Variants in GM2A observed in about 807,000 individuals in gnomAD.
GM2A encodes GM2 ganglioside activator.
A neutral mutation model predicts 12.9 loss-of-function variants in GM2A; 7 were observed. That is an observed-to-expected ratio of 0.54 (90% CI 0.31 to 1.02). The LOEUF is 1.02. Ranked by LOEUF, GM2A falls within the 50% of genes least tolerant of loss-of-function variation. The pLI, the probability that GM2A is intolerant of heterozygous loss-of-function variation, is 0.05. For synonymous variants in GM2A, 101 were observed against 96.0 expected, an observed-to-expected ratio of 1.05 and a Z score of -0.30; for missense variants, 246 against 241.0, an observed-to-expected ratio of 1.02 and a Z score of -0.14.
At position 151,259,749 on chromosome 5, in the gene GM2A, C is replaced by A; in HGVS notation, c.82-6C>A. The A allele has an allele frequency of 1.2e-6, 2 of 1,613,152 alleles. No homozygotes were observed. Among genetic ancestry groups the A allele is most frequent in the Non-Finnish European group, 1.7e-6 (2 of 1,179,144 alleles). The stretch of plus-strand genomic sequence containing the variant: ...TTCTCCTTCCTTGCTGCCTGATTGT[C>A]CCCAGCCATCCCAGCTCAGTAGCTT... On this transcript the variant is annotated splice_region_variant and splice_polypyrimidine_tract_variant and intron_variant, in intron 1 of 3. Transcript: ENST00000357164.
At position 151,269,000 on chromosome 5, in the gene GM2A, A is replaced by C; in HGVS notation, c.*1549A>C. ...AGCCTCTCACCTGTGAGCTGTGGGGATCACAAGGCTGCCTGCCTCAGTCTT... is the reference window on the plus strand; with the variant it reads ...AGCCTCTCACCTGTGAGCTGTGGGGCTCACAAGGCTGCCTGCCTCAGTCTT... On this transcript the variant is annotated 3_prime_UTR_variant, in exon 4 of 4. Coordinates refer to ENST00000357164, the MANE Select transcript of GM2A (RefSeq NM_000405.5). 1 of 985,442 alleles carries C rather than the reference A, an allele frequency of 1.0e-6. No individual in the cohort carries two copies. The highest frequency in any genetic ancestry group is 5.2e-4 in the Middle Eastern group (1 of 1,916). 61.0% of individuals were successfully genotyped at this position (985,442 alleles called of 1,614,324 possible).
chr5:151,270,350 G>T lies in GM2A; in HGVS notation c.*2899G>T. ...GTGGCAACAAAATATTGACACATTT[G>T]ACTACATGAAGATAATAAAAATGCT... On this transcript the variant is annotated 3_prime_UTR_variant, in exon 4 of 4. Transcript: ENST00000357164. 2.5e-6 allele frequency: 1 copy of T among 398,806 alleles called. No individual in the cohort carries two copies. The highest frequency in any genetic ancestry group is 1.3e-4 in the South Asian group (1 of 7,850). 24.7% of individuals were successfully genotyped at this position (398,806 alleles called of 1,614,324 possible). A position where few individuals can be genotyped will look rare whatever the true frequency, so the allele number is the denominator to read the frequency against.
rs1753974660 is a variant in GM2A at position 151,269,884 on chromosome 5, T to C, written c.*2433T>C. ...TCCTTTTTCAAACCTATACTGTTGTTGGTGAATTCTTTTTACCAACCCACG... is the reference window on the plus strand; with the variant it reads ...TCCTTTTTCAAACCTATACTGTTGTCGGTGAATTCTTTTTACCAACCCACG... On this transcript the variant is annotated 3_prime_UTR_variant, in exon 4 of 4. Coordinates refer to ENST00000357164, the MANE Select transcript of GM2A (RefSeq NM_000405.5). 2.7e-6 allele frequency: 2 copies of C among 746,992 alleles called. No homozygotes were observed. The highest frequency in any genetic ancestry group is 1.3e-4 in the South Asian group (2 of 15,194). 46.3% of individuals were successfully genotyped at this position (746,992 alleles called of 1,614,324 possible). A position where few individuals can be genotyped will look rare whatever the true frequency, so the allele number is the denominator to read the frequency against.
chr5:151,254,946 G>A lies in GM2A; in HGVS notation c.81+1649G>A, dbSNP rs899917120. Among the ~76,000 whole-genome samples, 13 of 152,134 alleles carry A rather than the reference G, an allele frequency of 8.5e-5. 1 individual carries two copies. The highest frequency in any genetic ancestry group is 1.5e-5 in the Non-Finnish European group (1 of 68,022). On this transcript the variant is annotated intron_variant, in intron 1 of 3. Coordinates refer to ENST00000357164, the MANE Select transcript of GM2A (RefSeq NM_000405.5). ...ACTGTGTGCATTTCAAAACAACTAA[G>A]AGAATACATTTCACATTGCAGTGTA...
chr5:151,262,045 A>G (rs534847971), intron 2 of GM2A, among the ~76,000 whole-genome samples: 1 of 152,354 alleles, frequency 6.6e-6, no homozygotes, highest in Non-Finnish European at 1.5e-5. Flanking sequence ...AACCTGCATC[A>G]TTCCTAGTGA....
intron 2 of GM2A, among the ~76,000 whole-genome samples, chr5:151,263,089 CTTTTTTT>C (rs869289721): frequency 1.7e-5 from 2 of 119,558 alleles, no homozygotes; most frequent in Non-Finnish European, 1.7e-5. Context: ...TCCCCAATTT[CTTTTTTT>C]TTTTTTTTTT....
chr5:151,265,802 C>T (rs1322899105), intron 2 of GM2A, among the ~76,000 whole-genome samples: 1 of 152,188 alleles, frequency 6.6e-6, no homozygotes, highest in African/African-American at 2.4e-5. Flanking sequence ...ACTCCAGGCA[C>T]AAGAGTCTTT....
intron 2 of GM2A, among the ~76,000 whole-genome samples, chr5:151,261,432 GTTTGTTTGTTTA>G (rs1342166323): frequency 6.6e-6 from 1 of 151,822 alleles, no homozygotes; most frequent in Non-Finnish European, 1.5e-5. Flanking sequence ...GTTTTTATTT[GTTTGTTTGTTTA>G]TTTGTTTGTT....
intron 1 of GM2A, among the ~76,000 whole-genome samples, chr5:151,257,213 C>A (rs1269159479): frequency 2.0e-5 from 3 of 152,120 alleles, no homozygotes; most frequent in Non-Finnish European, 4.4e-5. Flanking sequence ...ACCAGCCTGG[C>A]CTTGGTGGGC....
In GM2A at chr5:151,259,997, T is replaced by C. The variant is rs1030500560; in HGVS notation, c.243+81T>C. ...ACTGGGGCATGTATGCTTGGGGAAC[T>C]GTGAAGAATTTCAGAATCCTGGATT... On this transcript the variant is annotated intron_variant, in intron 2 of 3. Transcript: ENST00000357164. The C allele has an allele frequency of 6.7e-6, 7 of 1,047,084 alleles. No homozygotes were observed. The Admixed American group carries it at 7.1e-5, about 11-fold the overall frequency. 64.9% of individuals were successfully genotyped at this position (1,047,084 alleles called of 1,614,324 possible). A position where few individuals can be genotyped will look rare whatever the true frequency, so the allele number is the denominator to read the frequency against.
In GM2A at chr5:151,267,803, C is replaced by G. The variant is rs564679676; in HGVS notation, c.*352C>G. 5.9e-6 allele frequency: 7 copies of G among 1,180,696 alleles called. No homozygotes were observed. The East Asian group carries it at 4.0e-4, about 67-fold the overall frequency. 73.1% of individuals were successfully genotyped at this position (1,180,696 alleles called of 1,614,324 possible). A position where few individuals can be genotyped will look rare whatever the true frequency, so the allele number is the denominator to read the frequency against. On this transcript the variant is annotated 3_prime_UTR_variant, in exon 4 of 4. Transcript: ENST00000357164. The stretch of plus-strand genomic sequence containing the variant: ...GGACCTGAAGAATCTTTATGACTCT[C>G]TCTCTTTCACTCTTTTTTTTTTTTG...
Position 151,268,066 on chromosome 5 carries a change from C to T in GM2A, c.*615C>T. On this transcript the variant is annotated 3_prime_UTR_variant, in exon 4 of 4. Coordinates refer to ENST00000357164, the MANE Select transcript of GM2A (RefSeq NM_000405.5). ...GATATTAGGAGTGCTCTGTTGTTTA[C>T]AAACTCAGGTACCCGCAGGGCCTAG... The T allele has an allele frequency of 2.0e-6, 2 of 998,550 alleles. No individual in the cohort carries two copies. The highest frequency in any genetic ancestry group is 8.7e-5 in the South Asian group (2 of 22,912). The allele number at this position is 998,550 out of a possible 1,614,324, so 61.9% of individuals were successfully genotyped here. A position where few individuals can be genotyped will look rare whatever the true frequency, so the allele number is the denominator to read the frequency against.
Position 151,266,801 on chromosome 5 carries a change from G to C in GM2A, c.314G>C (p.Ser105Thr). 1 of 1,613,702 alleles carries C rather than the reference G, an allele frequency of 6.2e-7. No homozygotes were observed. The highest frequency in any genetic ancestry group is 2.2e-5 in the East Asian group (1 of 44,880). ...ATCCCATGCACAGACTACATTGGCA[G>C]CTGTACCTTTGAACACTTCTGTGAT... The part of the protein sequence containing the change: ...IKIPCTDYIG[S>T]CTFEHFCDVL... Residue 105 changes from serine to threonine, a missense_variant, in exon 3 of 4, where the codon AGC (serine) becomes ACC (threonine). Transcript: ENST00000357164.
chr5:151,258,121 G>A (rs550655686), intron 1 of GM2A, among the ~76,000 whole-genome samples: 3 of 152,322 alleles, frequency 2.0e-5, no homozygotes, highest in African/African-American at 7.2e-5. Flanking sequence ...GCCTTTCTTA[G>A]TCATGACATG....
chr5:151,262,805 C>T (rs1753820216), intron 2 of GM2A, among the ~76,000 whole-genome samples: 2 of 152,198 alleles, frequency 1.3e-5, no homozygotes, highest in African/African-American at 4.8e-5. Flanking sequence ...GTCCGCCATG[C>T]TCCCTCTGCT....
chr5:151,260,974 G>T (rs1582071185), intron 2 of GM2A, among the ~76,000 whole-genome samples: 2 of 140,988 alleles, frequency 1.4e-5, no homozygotes, highest in African/African-American at 5.2e-5. Context: ...CCAAGGATTA[G>T]GTGGCTCTAC....
Position 151,269,369 on chromosome 5 carries a change from A to G in GM2A, c.*1918A>G, listed in dbSNP as rs971785873. ...GGTACAGGTGAGCCGAGGTGATTCC[A>G]GGGACGGACCCTTCTGCAGGAGCTT... On this transcript the variant is annotated 3_prime_UTR_variant, in exon 4 of 4. Coordinates refer to ENST00000357164, the MANE Select transcript of GM2A (RefSeq NM_000405.5). 27 of 985,320 alleles carry G rather than the reference A, an allele frequency of 2.7e-5. No individual in the cohort carries two copies. Among genetic ancestry groups the G allele is most frequent in the Non-Finnish European group, 3.1e-5 (26 of 829,952 alleles). The allele number at this position is 985,320 out of a possible 1,614,324, so 61.0% of individuals were successfully genotyped here. A position where few individuals can be genotyped will look rare whatever the true frequency, so the allele number is the denominator to read the frequency against.
At chr5:151,266,622 A>G (rs933933906) in intron 2 of GM2A, 109 bp from the exon 3 acceptor site, 5 of 815,884 alleles carry the variant, frequency 6.1e-6, no homozygotes, top group Non-Finnish European at 1.0e-5. Flanking sequence ...TAAAAATTCT[A>G]TGATTAAAAT....
intron 1 of GM2A, among the ~76,000 whole-genome samples, chr5:151,256,052 G>A (rs896294390): frequency 6.6e-6 from 1 of 152,094 alleles, no homozygotes; most frequent in Non-Finnish European, 1.5e-5. Flanking sequence ...TGGGGGTGGG[G>A]GGTGACAGTG....
Sources: allele counts gnomAD v4.1 joint callset (sites outside exome capture counted in the v4.1 genomes callset), GRCh38; gene constraint gnomAD v4.1.1; transcripts MANE v1.5; gene names NCBI Gene and HGNC (gene_info 2026-07-23, HGNC 2026-07-21).